The following ANKRD44 variants were observed in gnomAD, a reference collection of about 807,000 sequenced individuals.
ANKRD44 encodes serine/threonine-protein phosphatase 6 regulatory ankyrin repeat subunit B.
ANKRD44 carries 35 observed loss-of-function variants against 116.0 expected under a neutral mutation model. The observed-to-expected ratio is 0.30, with a 90% CI of 0.23 to 0.40. The LOEUF is 0.40. Among genes scored for constraint, ANKRD44 ranks in the 10% least tolerant of loss-of-function variants. ANKRD44 has a pLI of 1.00. For synonymous variants in ANKRD44, 435 were observed against 461.8 expected (o/e 0.94, Z 0.74); for missense variants, 1,014 against 1,242.6 (o/e 0.82, Z 2.77).
chr2:197,191,165 G>T (rs2080812881), intron 1 of ANKRD44, among the ~76,000 whole-genome samples: 1 of 152,180 alleles, frequency 6.6e-6, no homozygotes, highest in African/African-American at 2.4e-5. Flanking sequence ...AGATATTGGT[G>T]CAGTGCCTCT....
chr2:197,301,887 G>A (rs1329110696), intron 1 of ANKRD44, among the ~76,000 whole-genome samples: 1 of 152,200 alleles, frequency 6.6e-6, no homozygotes, highest in African/African-American at 2.4e-5. Context: ...TCAAATATAT[G>A]GTATGAGGGA....
At chr2:197,264,345 C>CT (rs2082686742) in intron 1 of ANKRD44, among the ~76,000 whole-genome samples, 1 of 152,052 alleles carries the variant, frequency 6.6e-6, no homozygotes, top group African/African-American at 2.4e-5. Flanking sequence ...TAATTTTGAC[C>CT]AAATAAGTAT....
At chr2:197,153,225 C>CAAAAAAAAAAAAAAAAAA (rs75600123) in intron 2 of ANKRD44, among the ~76,000 whole-genome samples, 12 of 69,320 alleles carry the variant, frequency 1.7e-4, no homozygotes, top group Non-Finnish European at 2.2e-4. Flanking sequence ...AAGACCCTGC[C>CAAAAAAAAAAAAAAAAAA]AAAAAAAAAA....
At chr2:196,972,085 C>T (rs2125859073) in intron 21 of ANKRD44, among the ~76,000 whole-genome samples, 1 of 152,188 alleles carries the variant, frequency 6.6e-6, no homozygotes, top group South Asian at 2.1e-4. Context: ...ATGCAAGACT[C>T]CTCTCAGTGA....
chr2:197,174,977 T>C (rs1328165664), intron 2 of ANKRD44, among the ~76,000 whole-genome samples: 1 of 152,248 alleles, frequency 6.6e-6, no homozygotes, highest in Non-Finnish European at 1.5e-5. Flanking sequence ...CCTTTAAGTC[T>C]ATAAAATTTT....
At chr2:197,305,910 A>C (rs1017560884) in intron 1 of ANKRD44, among the ~76,000 whole-genome samples, 1 of 149,062 alleles carries the variant, frequency 6.7e-6, no homozygotes, top group African/African-American at 2.5e-5. Flanking sequence ...ATGGTTTTAA[A>C]ATTTTTTGGT....
At position 197,073,030 on chromosome 2, in the gene ANKRD44, C is replaced by T. The variant is rs941813889; in HGVS notation, c.1650+5673G>A. ...TTGTTAAACTTATTAAAACTCCTTC[C>T]CGCCTTCCCCTAAAGACTGAGTGGG... is the stretch of plus-strand genomic sequence containing the variant. On this transcript the variant is annotated intron_variant, in intron 16 of 27. Coordinates refer to ENST00000282272, the MANE Select transcript of ANKRD44 (RefSeq NM_001195144.2). 5.9e-5 allele frequency among the ~76,000 whole-genome samples: 9 copies of T among 152,288 alleles called. No individual in the cohort carries two copies. In the East Asian group the frequency reaches 1.7e-3, roughly 29 times the overall value.
chr2:197,119,900 T>C lies in ANKRD44; in HGVS notation c.906+1432A>G, dbSNP rs184721291. The stretch of plus-strand genomic sequence containing the variant: ...TGCTGCGTGATAAGCTCCCCTTGGT[T>C]AGCTGTCACATGGCAAGCTGACAAG... On this transcript the variant is annotated intron_variant, in intron 8 of 27. Coordinates refer to ENST00000282272, the MANE Select transcript of ANKRD44 (RefSeq NM_001195144.2). Among the ~76,000 whole-genome samples, 811 of 152,330 alleles carry C rather than the reference T, an allele frequency of 5.3e-3. 4 individuals carry two copies. Among genetic ancestry groups the C allele is most frequent in the Middle Eastern group, 0.014 (4 of 294 alleles).
At chr2:197,134,831 A>G (rs950700273) in intron 4 of ANKRD44, 3 of 152,168 alleles carry the variant, frequency 2.0e-5, no homozygotes, top group Non-Finnish European at 4.4e-5. Context: ...TTAAAGAGAC[A>G]CTTAAATTTA....
intron 9 of ANKRD44, among the ~76,000 whole-genome samples, chr2:197,108,695 C>T (rs920151508): frequency 1.3e-5 from 2 of 152,100 alleles, no homozygotes; most frequent in Admixed American, 6.6e-5. Flanking sequence ...CAAAAATTAG[C>T]TGGGCATGGT....
chr2:197,212,704 G>A lies in ANKRD44; in HGVS notation c.28-25598C>T, dbSNP rs551916770. 1.3e-5 allele frequency among the ~76,000 whole-genome samples: 2 copies of A among 152,290 alleles called. No individual in the cohort carries two copies. The highest frequency in any genetic ancestry group is 4.8e-5 in the African/African-American group (2 of 41,566). ...ACATGAGTAAAAATTCTGCATCACA[G>A]CAACTGCAGTGGTGTCATGTCAGAC... On this transcript the variant is annotated intron_variant, in intron 1 of 27. Transcript: ENST00000282272. This position sits in a 1 kb window ranked among gnomAD's most constrained non-coding sequence, Gnocchi z 4.8.
intron 1 of ANKRD44, among the ~76,000 whole-genome samples, chr2:197,236,537 C>G (rs1337485305): frequency 1.3e-5 from 2 of 152,032 alleles, no homozygotes; most frequent in East Asian, 3.9e-4. Flanking sequence ...TATGTTGAAG[C>G]CTGCTCTGGT....
At chr2:197,296,417 T>C (rs2083725138) in intron 1 of ANKRD44, 1 of 152,188 alleles carries the variant, frequency 6.6e-6, no homozygotes, top group African/African-American at 2.4e-5. Context: ...TCCCAAGATA[T>C]AAGTGTCAAT....
chr2:197,169,092 C>T (rs1008409965), intron 2 of ANKRD44, among the ~76,000 whole-genome samples: 3 of 152,086 alleles, frequency 2.0e-5, no homozygotes, highest in Admixed American at 1.3e-4. Flanking sequence ...TTTCTACCAC[C>T]TTCCCCCTCC....
intron 21 of ANKRD44, 117 bp downstream of exon 21, chr2:197,005,577 G>T: frequency 1.1e-6 from 1 of 910,732 alleles, no homozygotes; most frequent in Non-Finnish European, 1.7e-6. Flanking sequence ...TATCTTGGAT[G>T]CAGAAAGATT....
chr2:197,251,144 A>G (rs1379407535), intron 1 of ANKRD44, among the ~76,000 whole-genome samples: 5 of 152,182 alleles, frequency 3.3e-5, no homozygotes, highest in Non-Finnish European at 7.4e-5. Context: ...TAGGTCTTTT[A>G]TGTATTTTAT....
chr2:197,125,861 A>T lies in ANKRD44; in HGVS notation c.438T>A (p.His146Gln), dbSNP rs775050777. The T allele has an allele frequency of 6.2e-7, 1 of 1,614,146 alleles. No homozygotes were observed. The highest frequency in any genetic ancestry group is 1.1e-5 in the South Asian group (1 of 91,074). ...CCTCCACGTGGCCGTTCAGAGCCGC[A>T]TGGTGCAAGGCTGTGCGCCCCCCTC... ...SDRGGRTALH[H>Q]AALNGHVEMV... Residue 146 changes from histidine to glutamine, a missense_variant, in exon 5 of 28, where the codon CAT becomes CAA. Coordinates refer to ENST00000282272, the MANE Select transcript of ANKRD44 (RefSeq NM_001195144.2).
rs1003646389 is a variant in ANKRD44 at position 196,996,486 on chromosome 2, T to C, written c.2749-1025A>G. 3.9e-5 allele frequency among the ~76,000 whole-genome samples: 6 copies of C among 152,232 alleles called. No homozygotes were observed. In the East Asian group the frequency reaches 1.2e-3, roughly 29 times the overall value. ...CCATGGGTGCCAACTGGCTTCATAC[T>C]ATAATGCCTTGTATGGGAGACCCTT... On this transcript the variant is annotated intron_variant, in intron 25 of 27. Coordinates refer to ENST00000282272, the MANE Select transcript of ANKRD44 (RefSeq NM_001195144.2).
chr2:197,085,631 T>C (rs2077903053), intron 13 of ANKRD44, among the ~76,000 whole-genome samples: 1 of 152,082 alleles, frequency 6.6e-6, no homozygotes. Context: ...AGTTTACAAA[T>C]GCCATGGCAA....
Sources: gnomAD v4.1 joint callset for allele counts (sites outside exome capture counted in the v4.1 genomes callset) on GRCh38, gnomAD v4.1.1 for gene constraint, Gnocchi (gnomAD v3.1) non-coding constraint, MANE v1.5 for transcripts, NCBI Gene and HGNC (gene_info 2026-07-23, HGNC 2026-07-21) for gene names.